Variants in PPP2R5D observed in about 807,000 individuals in gnomAD.
PPP2R5D encodes the protein serine/threonine-protein phosphatase 2A 56 kDa regulatory subunit delta isoform.
A neutral mutation model predicts 79.1 loss-of-function variants in PPP2R5D; 12 were observed. The ratio of observed to expected loss-of-function variants is 0.15; its 90% CI spans 0.10 to 0.25. PPP2R5D has a LOEUF of 0.25. Ranked by LOEUF, PPP2R5D falls within the 10% of genes least tolerant of loss-of-function variation. The probability of loss-of-function intolerance (pLI) is 1.00; values close to 1 mark genes in which losing one functional copy is unlikely to be tolerated. For synonymous variants in PPP2R5D, 277 were observed against 286.6 expected (o/e 0.97, Z 0.34); for missense variants, 419 against 760.2 (o/e 0.55, Z 5.28).
Position 42,984,588 on chromosome 6 carries a change from C to G in PPP2R5D, c.-90C>G. On this transcript the variant is annotated 5_prime_UTR_variant, in exon 1 of 16. Coordinates refer to ENST00000485511, the MANE Select transcript of PPP2R5D (RefSeq NM_006245.4). ...CCCGGGCGCAGCGCGCAGGCGGTGG[C>G]GAAGAGACGCCGAGCGGGCCGAGTG... is the stretch of plus-strand genomic sequence containing the variant. 2 of 1,486,124 alleles carry G rather than the reference C, an allele frequency of 1.3e-6. No individual in the cohort carries two copies. 92.1% of individuals were successfully genotyped at this position (1,486,124 alleles called of 1,614,324 possible). A position where few individuals can be genotyped will look rare whatever the true frequency, so the allele number is the denominator to read the frequency against.
At chr6:42,996,229 C>T (rs1368469295) in intron 2 of PPP2R5D, among the ~76,000 whole-genome samples, 1 of 148,368 alleles carries the variant, frequency 6.7e-6, no homozygotes, top group African/African-American at 2.5e-5. Context: ...TTTGGGAGGC[C>T]GAGGCGGGGC....
In PPP2R5D at chr6:43,007,189, C is replaced by T; in HGVS notation, c.523-7C>T. ...CAGGTGGAGCTCTAACTGGCCCTACCCCTCAGTTTTCAGTGAACCTCTTCC... is the reference window on the plus strand; with the variant it reads ...CAGGTGGAGCTCTAACTGGCCCTACTCCTCAGTTTTCAGTGAACCTCTTCC... On this transcript the variant is annotated splice_polypyrimidine_tract_variant and splice_region_variant and intron_variant, in intron 4 of 15. Coordinates refer to ENST00000485511, the MANE Select transcript of PPP2R5D (RefSeq NM_006245.4). This position sits in a 1 kb window ranked among gnomAD's most constrained non-coding sequence, Gnocchi z 4.5. 6.2e-7 allele frequency: 1 copy of T among 1,614,062 alleles called. No individual in the cohort carries two copies. The highest frequency in any genetic ancestry group is 8.5e-7 in the Non-Finnish European group (1 of 1,179,978).
intron 2 of PPP2R5D, among the ~76,000 whole-genome samples, chr6:42,993,443 C>T (rs923876044): frequency 2.0e-5 from 3 of 152,180 alleles, no homozygotes; most frequent in Non-Finnish European, 4.4e-5. Context: ...TGCACTCCAG[C>T]CTCGGTGACA....
chr6:42,992,747 A>G (rs1290049078), intron 2 of PPP2R5D, among the ~76,000 whole-genome samples: 1 of 152,092 alleles, frequency 6.6e-6, no homozygotes, highest in African/African-American at 2.4e-5. Context: ...GCTTGAGTCC[A>G]GGAGTTCAAG....
Position 43,007,054 on chromosome 6 carries a change from A to G in PPP2R5D, c.466A>G (p.Ile156Val), listed in dbSNP as rs1252697092. The change falls in exon 4 of 16, where the codon ATC (isoleucine) becomes GTC (valine). Residue 156 changes from isoleucine to valine, a missense_variant. Physicochemically the swap from Ile to Val is conservative, Grantham distance 29. This residue lies in a region of PPP2R5D where 29 missense variants were observed against 64.2 expected (regional missense o/e 0.45). Coordinates refer to ENST00000485511, the MANE Select transcript of PPP2R5D (RefSeq NM_006245.4). The surrounding 1 kb of genome is among the most constrained non-coding windows in gnomAD (Gnocchi z 4.5). The part of the protein sequence containing the change: ...RAGLNEMVEY[I>V]THSRDVVTEA... ...AGGACTCAACGAGATGGTGGAGTAC[A>G]TCACCCATAGCCGTGATGTTGTCAC... 6.2e-7 allele frequency: 1 copy of G among 1,614,038 alleles called. No individual in the cohort carries two copies. Among genetic ancestry groups the G allele is most frequent in the African/African-American group, 1.3e-5 (1 of 74,928 alleles).
chr6:42,992,348 C>T (rs112446807), intron 2 of PPP2R5D, among the ~76,000 whole-genome samples: 13,995 of 152,140 alleles, frequency 0.092, 1,017 homozygotes, highest in East Asian at 0.18. Flanking sequence ...TGTGAGCCAC[C>T]GCGCCCGGCC....
At position 43,011,462 on chromosome 6, in the gene PPP2R5D, C is replaced by T; in HGVS notation, c.*176C>T. ...ACACCCACAGAATGGTCCCTCTTCT[C>T]CCCAAAAGGTGTTCATGCCTCCCTG... On this transcript the variant is annotated 3_prime_UTR_variant, in exon 16 of 16. Coordinates refer to ENST00000485511, the MANE Select transcript of PPP2R5D (RefSeq NM_006245.4). 1.2e-6 allele frequency: 1 copy of T among 838,002 alleles called. No individual in the cohort carries two copies. 51.9% of individuals were successfully genotyped at this position (838,002 alleles called of 1,614,324 possible).
At chr6:42,986,167 C>G (rs902541243) in intron 1 of PPP2R5D, among the ~76,000 whole-genome samples, 1 of 152,110 alleles carries the variant, frequency 6.6e-6, no homozygotes, top group Non-Finnish European at 1.5e-5. Flanking sequence ...CTTTTTCTAC[C>G]CTCTGTTTCC....
intron 1 of PPP2R5D, among the ~76,000 whole-genome samples, chr6:42,987,780 A>C (rs1770961679): frequency 6.6e-6 from 1 of 152,150 alleles, no homozygotes; most frequent in South Asian, 2.1e-4. Context: ...CATTCTTTGA[A>C]AGATACGTCT....
chr6:42,991,252 G>A (rs1771245258), intron 2 of PPP2R5D, among the ~76,000 whole-genome samples: 1 of 152,194 alleles, frequency 6.6e-6, no homozygotes, highest in African/African-American at 2.4e-5. Flanking sequence ...GGGACCCACA[G>A]GGAAGGTGGT....
intron 1 of PPP2R5D, 112 bp from the exon 2 acceptor site, chr6:42,989,499 T>C (rs1771096187): frequency 2.2e-6 from 2 of 890,034 alleles, no homozygotes; most frequent in Non-Finnish European, 3.5e-6. Context: ...TAGATTCTAA[T>C]TGATTGATTC....
intron 2 of PPP2R5D, among the ~76,000 whole-genome samples, chr6:42,998,715 T>G (rs1050808998): frequency 6.6e-6 from 1 of 151,352 alleles, no homozygotes; most frequent in South Asian, 2.1e-4. Context: ...CTGGGCAACA[T>G]GGTGAAACCC....
At chr6:43,001,758 G>A (rs957921199) in intron 2 of PPP2R5D, among the ~76,000 whole-genome samples, 1 of 151,760 alleles carries the variant, frequency 6.6e-6, no homozygotes, top group Admixed American at 6.6e-5. Flanking sequence ...GTGGTGGCAC[G>A]CACCTGTAAT....
Position 43,008,141 on chromosome 6 carries a change from CTG to C in PPP2R5D, c.858-58_858-57del, listed in dbSNP as rs1204028360. ...GGGTGGGAGCAGGGAGGTGGGGGGACTGTACAGAATGCTGGAGGGACATCAGG... is the reference window on the plus strand; with the variant it reads ...GGGTGGGAGCAGGGAGGTGGGGGGACTACAGAATGCTGGAGGGACATCAGG... On this transcript the variant is annotated intron_variant, in intron 7 of 15. Transcript: ENST00000485511. This position sits in a 1 kb window ranked among gnomAD's most constrained non-coding sequence, Gnocchi z 4.2. The C allele has an allele frequency of 3.7e-6, 6 of 1,613,750 alleles. No homozygotes were observed. The highest frequency in any genetic ancestry group is 5.1e-6 in the Non-Finnish European group (6 of 1,179,868).
intron 2 of PPP2R5D, among the ~76,000 whole-genome samples, chr6:42,993,495 A>C (rs1643898639): frequency 6.6e-6 from 1 of 152,146 alleles, no homozygotes; most frequent in African/African-American, 2.4e-5. Context: ...CAAACAAAAA[A>C]AGAAATACAT....
At chr6:42,985,775 CTT>C (rs945324833) in intron 1 of PPP2R5D, among the ~76,000 whole-genome samples, 3 of 118,284 alleles carry the variant, frequency 2.5e-5, no homozygotes, top group Non-Finnish European at 3.6e-5. Flanking sequence ...CAGGCCATTT[CTT>C]TTTTTTTTTT....
intron 1 of PPP2R5D, among the ~76,000 whole-genome samples, chr6:42,986,138 C>T (rs1171474748): frequency 1.3e-5 from 2 of 152,108 alleles, no homozygotes; most frequent in South Asian, 4.1e-4. Flanking sequence ...TGCTGCCTTC[C>T]CCTGCTCCTC....
At chr6:43,003,654 G>A (rs1002888747) in intron 2 of PPP2R5D, among the ~76,000 whole-genome samples, 21 of 151,992 alleles carry the variant, frequency 1.4e-4, no homozygotes, top group Non-Finnish European at 2.4e-4. Context: ...CTCGTTTTTG[G>A]TTCTGTGCAT....
chr6:42,998,011 TTATTTATATATATATATATATATATATA>T (rs1771836123), intron 2 of PPP2R5D, among the ~76,000 whole-genome samples: 1 of 72,592 alleles, frequency 1.4e-5, no homozygotes, highest in Non-Finnish European at 2.3e-5. Context: ...TATTTGGGTT[TTATTTATATATATATATATATATATATA>T]TATATATATA....
Sources: gnomAD v4.1 joint callset for allele counts (sites outside exome capture counted in the v4.1 genomes callset) on GRCh38, gnomAD v4.1.1 for gene constraint, gnomAD v4.1.1 regional missense constraint, Gnocchi (gnomAD v3.1) non-coding constraint, MANE v1.5 for transcripts, NCBI Gene and HGNC (gene_info 2026-07-23, HGNC 2026-07-21) for gene names.